UNC5D: variants seen among roughly 807,000 people sequenced by gnomAD.
UNC5D encodes the protein unc-5 netrin receptor D.
Under a neutral mutation model 105.4 loss-of-function variants are expected in UNC5D, and 39 were observed. The observed-to-expected ratio is 0.37, with a 90% CI of 0.29 to 0.48. UNC5D has a LOEUF of 0.48. UNC5D is among the 20% of genes least tolerant of loss of function. The probability of loss-of-function intolerance (pLI) is 0.98; values close to 1 mark genes in which losing one functional copy is unlikely to be tolerated. For synonymous variants in UNC5D, 452 were observed against 450.4 expected (o/e 1.00, Z -0.04); for missense variants, 991 against 1,202.4 (o/e 0.82, Z 2.60).
At chr8:35,711,928 A>G (rs750600567) in intron 8 of UNC5D, among the ~76,000 whole-genome samples, 45 of 152,290 alleles carry the variant, frequency 3.0e-4, no homozygotes, top group Non-Finnish European at 4.9e-4. Flanking sequence ...TATTCAATTA[A>G]TATTTGTTGT....
intron 11 of UNC5D, among the ~76,000 whole-genome samples, chr8:35,741,369 G>C (rs967841389): frequency 6.6e-6 from 1 of 151,952 alleles, no homozygotes; most frequent in Non-Finnish European, 1.5e-5. Context: ...TCCTATTTCA[G>C]ATAATAGCGT....
intron 1 of UNC5D, among the ~76,000 whole-genome samples, chr8:35,350,526 T>C (rs1270906549): frequency 1.3e-5 from 2 of 152,046 alleles, no homozygotes; most frequent in Non-Finnish European, 1.5e-5. Flanking sequence ...TATTCAACGA[T>C]ATATTTAGAG....
At chr8:35,289,503 C>T (rs891051225) in intron 1 of UNC5D, among the ~76,000 whole-genome samples, 1 of 152,050 alleles carries the variant, frequency 6.6e-6, no homozygotes, top group African/African-American at 2.4e-5. Flanking sequence ...TCAAATAGAC[C>T]TAATAAATAT....
At chr8:35,488,088 A>C (rs1020894400) in intron 1 of UNC5D, among the ~76,000 whole-genome samples, 1 of 152,238 alleles carries the variant, frequency 6.6e-6, no homozygotes, top group African/African-American at 2.4e-5. Context: ...GAAGATTTGG[A>C]AAATTCTCAG....
intron 4 of UNC5D, among the ~76,000 whole-genome samples, chr8:35,614,812 T>TG (rs1820913365): frequency 6.6e-6 from 1 of 152,176 alleles, no homozygotes; most frequent in South Asian, 2.1e-4. Context: ...AGTTCCTTAC[T>TG]GAAAAAGAAA....
intron 1 of UNC5D, among the ~76,000 whole-genome samples, chr8:35,351,943 G>A (rs903029389): frequency 7.2e-5 from 11 of 152,002 alleles, no homozygotes; most frequent in Non-Finnish European, 1.0e-4. Context: ...CAGTTTTCTT[G>A]GAGGGCAATT....
At chr8:35,318,908 A>C (rs1809504038) in intron 1 of UNC5D, among the ~76,000 whole-genome samples, 1 of 152,120 alleles carries the variant, frequency 6.6e-6, no homozygotes, top group African/African-American at 2.4e-5. Flanking sequence ...TCCTAAAAAT[A>C]CAAAAAAATT....
rs183399132 is a variant in UNC5D at position 35,448,558 on chromosome 8, T to C, written c.104-100734T>C. Among the ~76,000 whole-genome samples, 1,255 of 152,230 alleles carry C rather than the reference T, an allele frequency of 8.2e-3. 4 individuals carry two copies. The highest frequency in any genetic ancestry group is 0.013 in the Non-Finnish European group (860 of 68,002). On this transcript the variant is annotated intron_variant, in intron 1 of 16. Transcript: ENST00000404895. ...TAGATATTCAAATTCTTGACCCTAA[T>C]CTGCACCTCCCCAGCAGAGGTGGGG...
chr8:35,694,366 C>T (rs1175416765), intron 7 of UNC5D, among the ~76,000 whole-genome samples: 2 of 152,060 alleles, frequency 1.3e-5, no homozygotes, highest in East Asian at 3.9e-4. Flanking sequence ...TTTTGAGGTA[C>T]TCAAAATGGA....
intron 1 of UNC5D, among the ~76,000 whole-genome samples, chr8:35,302,756 A>T (rs1276574784): frequency 6.6e-6 from 1 of 152,200 alleles, no homozygotes; most frequent in Non-Finnish European, 1.5e-5. Context: ...TTGGACTTTA[A>T]GGTATTAAAT....
chr8:35,708,136 C>T (rs1449492219), intron 8 of UNC5D, among the ~76,000 whole-genome samples: 1 of 152,178 alleles, frequency 6.6e-6, no homozygotes, highest in Middle Eastern at 3.2e-3. Flanking sequence ...TATAGCCATA[C>T]ACATGATCTT....
rs866369742 is a variant in UNC5D at position 35,248,282 on chromosome 8, A to G, written c.103+12395A>G. Among the ~76,000 whole-genome samples, 545 of 108,624 alleles carry G rather than the reference A, an allele frequency of 5.0e-3. 52 individuals carry two copies. The highest frequency in any genetic ancestry group is 0.023 in the African/African-American group (528 of 22,788). The allele number at this position is 108,624 out of a possible 152,430, so 71.3% of individuals were successfully genotyped here. On this transcript the variant is annotated intron_variant, in intron 1 of 16. Coordinates refer to ENST00000404895, the MANE Select transcript of UNC5D (RefSeq NM_080872.4). ...ATGTTATATAAAATATATAATATAT[A>G]AATATATGTTATATAAAATATATAA...
At chr8:35,731,584 A>G (rs1252101162) in intron 11 of UNC5D, among the ~76,000 whole-genome samples, 1 of 152,078 alleles carries the variant, frequency 6.6e-6, no homozygotes, top group Non-Finnish European at 1.5e-5. Flanking sequence ...GAAACCATAC[A>G]TGACTCCACA....
intron 1 of UNC5D, among the ~76,000 whole-genome samples, chr8:35,510,880 A>T (rs1419118964): frequency 6.6e-6 from 1 of 152,212 alleles, no homozygotes; most frequent in Non-Finnish European, 1.5e-5. Context: ...TGTCACACCT[A>T]AATTATTAAT....
chr8:35,578,719 T>C (rs550546834), intron 3 of UNC5D, among the ~76,000 whole-genome samples: 3 of 152,314 alleles, frequency 2.0e-5, no homozygotes, highest in Admixed American at 2.0e-4. Context: ...TGTAAGAGAC[T>C]CTGGTTCTAG....
intron 4 of UNC5D, among the ~76,000 whole-genome samples, chr8:35,662,018 A>G (rs926420874): frequency 1.3e-5 from 2 of 152,088 alleles, no homozygotes; most frequent in African/African-American, 4.8e-5. Context: ...TTATCTTCTC[A>G]CAGGAAAAAA....
intron 1 of UNC5D, among the ~76,000 whole-genome samples, chr8:35,410,074 C>T (rs976035292): frequency 6.6e-6 from 1 of 151,900 alleles, no homozygotes; most frequent in Non-Finnish European, 1.5e-5. Flanking sequence ...AATCTACCAC[C>T]ATGGGAACTC....
chr8:35,564,929 A>G (rs1817226348), intron 2 of UNC5D, among the ~76,000 whole-genome samples: 1 of 152,124 alleles, frequency 6.6e-6, no homozygotes, highest in South Asian at 2.1e-4. Context: ...ACATGATTTC[A>G]TTGTTTTTTT....
At chr8:35,657,331 AAG>A (rs1365599228) in intron 4 of UNC5D, among the ~76,000 whole-genome samples, 1 of 151,592 alleles carries the variant, frequency 6.6e-6, no homozygotes, top group African/African-American at 2.4e-5. Flanking sequence ...AAAAAATCTG[AAG>A]GGCTAATTTC....
Sources: allele counts gnomAD v4.1 joint callset (sites outside exome capture counted in the v4.1 genomes callset), GRCh38; gene constraint gnomAD v4.1.1; transcripts MANE v1.5; gene names NCBI Gene and HGNC (gene_info 2026-07-23, HGNC 2026-07-21).